The following DNAJB14 variants were observed in gnomAD, a reference collection of about 807,000 sequenced individuals.
The protein encoded by DNAJB14 is dnaJ homolog subfamily B member 14.
DNAJB14 carries 22 observed loss-of-function variants against 48.4 expected under a neutral mutation model. That is an observed-to-expected ratio of 0.45 (90% CI 0.32 to 0.65). The LOEUF (loss-of-function observed/expected upper bound fraction) is 0.65, where lower values mean the gene tolerates loss of function less well. Among genes scored for constraint, DNAJB14 ranks in the 30% least tolerant of loss-of-function variants. The pLI, the probability that DNAJB14 is intolerant of heterozygous loss-of-function variation, is 0.03. For synonymous variants in DNAJB14, 142 were observed against 158.7 expected, an observed-to-expected ratio of 0.89 and a Z score of 0.79; for missense variants, 319 against 458.8, an observed-to-expected ratio of 0.70 and a Z score of 2.78.
At chr4:99,905,754 G>C in intron 5 of DNAJB14, 48 bp from the exon 6 acceptor site, 12 of 1,549,032 alleles carry the variant, frequency 7.7e-6, no homozygotes, top group Non-Finnish European at 1.1e-5. Flanking sequence ...AACTGTAGTT[G>C]TTAATAATAC....
At chr4:99,919,389 C>T (rs371238083) in intron 3 of DNAJB14, among the ~76,000 whole-genome samples, 30 of 152,126 alleles carry the variant, frequency 2.0e-4, no homozygotes, top group Admixed American at 3.3e-4. Context: ...TCAAGACCAG[C>T]CTGGCCAAGA....
chr4:99,920,421 A>C (rs997292685), intron 3 of DNAJB14, among the ~76,000 whole-genome samples: 29 of 152,206 alleles, frequency 1.9e-4, no homozygotes, highest in Admixed American at 1.9e-3. Context: ...GCAAACACAT[A>C]AACAACTAAT....
At chr4:99,941,394 A>G (rs1237605289) in intron 1 of DNAJB14, among the ~76,000 whole-genome samples, 1 of 152,178 alleles carries the variant, frequency 6.6e-6, no homozygotes, top group Non-Finnish European at 1.5e-5. Flanking sequence ...GACAGAAGAG[A>G]CAAACATACT....
rs1227613511 is a variant in DNAJB14, at chr4:99,908,789, T to G, written c.559A>C (p.Asn187His). Residue 187 changes from asparagine (N) to histidine (H), a missense_variant, in exon 4 of 8, where the codon AAT becomes CAT. Asn to His is a moderately conservative substitution (Grantham distance 68). Around this residue, in one of 3 missense-constraint regions of DNAJB14, gnomAD observed 166 missense variants for 236.3 expected, o/e 0.70. Coordinates refer to ENST00000442697, the MANE Select transcript of DNAJB14 (RefSeq NM_001031723.4). ...TCAGCTTCACAACCTCTATGGAAAT[T>G]AAATCTGCCATTGTTTTGGTGGTTA... ...ACNHQNNGRF[N>H]FHRGCEADIT... is the part of the protein sequence containing the mutation. 3 of 1,612,416 alleles carry G rather than the reference T, an allele frequency of 1.9e-6. No individual in the cohort carries two copies. The highest frequency in any genetic ancestry group is 2.5e-6 in the Non-Finnish European group (3 of 1,179,134).
chr4:99,937,512 C>G (rs1310925551), intron 1 of DNAJB14, among the ~76,000 whole-genome samples: 2 of 151,570 alleles, frequency 1.3e-5, no homozygotes, highest in African/African-American at 4.9e-5. Context: ...ATCACTTGAG[C>G]CCAGGGAGTT....
In DNAJB14 at chr4:99,900,260, T is replaced by A. The variant is rs564311363; in HGVS notation, c.*768A>T. The A allele has an allele frequency of 6.6e-6, 1 of 152,204 alleles. No individual in the cohort carries two copies. Among genetic ancestry groups the A allele is most frequent in the East Asian group, 1.9e-4 (1 of 5,184 alleles). The allele number at this position is 152,204 out of a possible 1,614,324, so 9.4% of individuals were successfully genotyped here. A position where few individuals can be genotyped will look rare whatever the true frequency, so the allele number is the denominator to read the frequency against. On this transcript the variant is annotated 3_prime_UTR_variant, in exon 8 of 8. Transcript: ENST00000442697. ...GAATTTTAAATGACATAACTGCACT[T>A]TACTGTTGAAGACCCTTTTAGTTTA...
intron 3 of DNAJB14, among the ~76,000 whole-genome samples, chr4:99,919,866 A>G (rs2110205956): frequency 6.6e-6 from 1 of 152,216 alleles, no homozygotes; most frequent in South Asian, 2.1e-4. Flanking sequence ...GGTTTTGCCA[A>G]CCCCTCTCTT....
At chr4:99,933,447 G>A (rs933176736) in intron 1 of DNAJB14, among the ~76,000 whole-genome samples, 2 of 150,398 alleles carry the variant, frequency 1.3e-5, no homozygotes, top group South Asian at 2.1e-4. Context: ...ACCTGCCCCC[G>A]ACACCTGGCT....
chr4:99,930,587 C>T lies in DNAJB14; in HGVS notation c.168G>A (p.Thr56=), dbSNP rs1418406253. ...TTCGGCAATGAGGGCTATTTCCAGCCGTGCTTCCATTTTTCATAATTATTT... is the reference window on the plus strand; with the variant it reads ...TTCGGCAATGAGGGCTATTTCCAGCTGTGCTTCCATTTTTCATAATTATTT... ...LLEIIMKNGS[T]AGNSPHCRKP... The change falls in exon 2 of 8, where the codon ACG becomes ACA. Residue 56 remains threonine (T), a synonymous_variant. Coordinates refer to ENST00000442697, the MANE Select transcript of DNAJB14 (RefSeq NM_001031723.4). The T allele has an allele frequency of 1.9e-6, 3 of 1,610,886 alleles. No homozygotes were observed. Among genetic ancestry groups the T allele is most frequent in the Non-Finnish European group, 1.7e-6 (2 of 1,178,410 alleles).
intron 3 of DNAJB14, among the ~76,000 whole-genome samples, chr4:99,909,682 C>T (rs944856872): frequency 6.6e-6 from 1 of 151,988 alleles, no homozygotes; most frequent in Non-Finnish European, 1.5e-5. Context: ...TAATGTTACA[C>T]TGGTTACCAG....
chr4:99,915,977 C>T (rs921787512), intron 3 of DNAJB14, among the ~76,000 whole-genome samples: 5 of 152,072 alleles, frequency 3.3e-5, no homozygotes, highest in Non-Finnish European at 7.4e-5. Context: ...TCATAATGTA[C>T]TTCTCTGGTA....
chr4:99,918,572 C>T (rs1725939908), intron 3 of DNAJB14, among the ~76,000 whole-genome samples: 1 of 152,180 alleles, frequency 6.6e-6, no homozygotes, highest in Non-Finnish European at 1.5e-5. Context: ...AGGGGGAATA[C>T]CATCTCATTG....
At chr4:99,943,012 C>T (rs962439960) in intron 1 of DNAJB14, among the ~76,000 whole-genome samples, 11 of 152,144 alleles carry the variant, frequency 7.2e-5, no homozygotes, top group African/African-American at 2.7e-4. Flanking sequence ...CAGGATCTCA[C>T]ACAAATGTCC....
intron 3 of DNAJB14, among the ~76,000 whole-genome samples, chr4:99,917,658 G>A (rs1725904322): frequency 2.0e-5 from 3 of 152,084 alleles, no homozygotes; most frequent in Non-Finnish European, 1.5e-5. Flanking sequence ...ATTCTCTTAG[G>A]TTGTATTTGC....
At chr4:99,937,009 T>G (rs1726699540) in intron 1 of DNAJB14, among the ~76,000 whole-genome samples, 1 of 152,198 alleles carries the variant, frequency 6.6e-6, no homozygotes, top group East Asian at 1.9e-4. Flanking sequence ...AACATGTATT[T>G]ATTACAAAGA....
intron 3 of DNAJB14, among the ~76,000 whole-genome samples, chr4:99,914,934 T>A (rs977069469): frequency 2.6e-5 from 4 of 152,174 alleles, no homozygotes; most frequent in Non-Finnish European, 4.4e-5. Flanking sequence ...GTCTTTCAAT[T>A]TTATTGATTT....
intron 3 of DNAJB14, among the ~76,000 whole-genome samples, chr4:99,910,716 A>AT (rs1379064091): frequency 6.6e-6 from 1 of 151,870 alleles, no homozygotes; most frequent in Admixed American, 6.6e-5. Flanking sequence ...TATAATCAAG[A>AT]TTTTTTTGCA....
chr4:99,923,014 A>G (rs758333287), intron 3 of DNAJB14, 26 bp downstream of exon 3: 27 of 1,579,868 alleles, frequency 1.7e-5, no homozygotes, highest in Non-Finnish European at 2.2e-5. Context: ...CAGCTTAGTA[A>G]AATTGCTTTA....
In DNAJB14 at chr4:99,940,273, T is replaced by C. The variant is rs146846240; in HGVS notation, c.133+6166A>G. Among the ~76,000 whole-genome samples, 42 of 152,336 alleles carry C rather than the reference T, an allele frequency of 2.8e-4. 1 individual carries two copies. The Middle Eastern group carries it at 0.01, about 37-fold the overall frequency. ...CAAATAGCTTTTATTTGTGTGATTA[T>C]ACAAACATGTATGTTCAGCTCATTA... On this transcript the variant is annotated intron_variant, in intron 1 of 7. Coordinates refer to ENST00000442697, the MANE Select transcript of DNAJB14 (RefSeq NM_001031723.4).
Sources: allele counts gnomAD v4.1 joint callset (sites outside exome capture counted in the v4.1 genomes callset), GRCh38; gene constraint gnomAD v4.1.1; regional missense constraint gnomAD v4.1.1; transcripts MANE v1.5; gene names NCBI Gene and HGNC (gene_info 2026-07-23, HGNC 2026-07-21).